The following PLAGL2 variants were observed in gnomAD, a reference collection of about 807,000 sequenced individuals.
The protein encoded by PLAGL2 is zinc finger protein PLAGL2.
Under a neutral mutation model 29.0 loss-of-function variants are expected in PLAGL2, and 7 were observed. The ratio of observed to expected loss-of-function variants is 0.24; its 90% confidence interval spans 0.14 to 0.45. PLAGL2 has a LOEUF of 0.45. PLAGL2 is among the 20% of genes least tolerant of loss of function. The pLI is 0.99. For synonymous variants in PLAGL2, 234 were observed against 266.0 expected (o/e 0.88, Z 1.17); for missense variants, 454 against 648.2 (o/e 0.70, Z 3.25).
At chr20:32,205,607 T>C (rs977237898) in intron 1 of PLAGL2, among the ~76,000 whole-genome samples, 1 of 152,232 alleles carries the variant, frequency 6.6e-6, no homozygotes, top group Non-Finnish European at 1.5e-5. Context: ...ATAGTTTTTA[T>C]GGTGTTACAT....
intron 1 of PLAGL2, among the ~76,000 whole-genome samples, chr20:32,204,503 C>A (rs6058547): frequency 0.052 from 7,858 of 152,184 alleles, 753 homozygotes; most frequent in African/African-American, 0.18. Flanking sequence ...CATGTGCTCA[C>A]CTTGATCTGC....
chr20:32,205,655 C>G (rs575806287), intron 1 of PLAGL2, among the ~76,000 whole-genome samples: 1 of 152,252 alleles, frequency 6.6e-6, no homozygotes, highest in East Asian at 1.9e-4. Context: ...CCATTATTAG[C>G]CTGTTTCCTC....
chr20:32,202,319 G>A, intron 1 of PLAGL2, 27 bp from the exon 2 acceptor site: 1 of 779,808 alleles, frequency 1.3e-6, no homozygotes, highest in Non-Finnish European at 2.1e-6. Context: ...CCTGGTGTTA[G>A]GGAGCCCAAT....
chr20:32,206,666 G>A (rs1178614698), intron 1 of PLAGL2, among the ~76,000 whole-genome samples: 2 of 152,206 alleles, frequency 1.3e-5, no homozygotes, highest in African/African-American at 4.8e-5. Context: ...AAGCTTGCAG[G>A]TGAAAGCACC....
Position 32,196,553 on chromosome 20 carries a change from C to A in PLAGL2, c.1390G>T (p.Gly464Trp). Residue 464 changes from glycine to tryptophan, a missense_variant, in exon 3 of 3, where the codon GGG becomes TGG. Physicochemically the swap from Gly to Trp is radical, Grantham distance 184. Transcript: ENST00000246229. ...AGAGGCCCAAAGTTCAGTGGTCCCCCAGCTCCTGGGGAATCTTGAGGCTGA... is the reference window on the plus strand; with the variant it reads ...AGAGGCCCAAAGTTCAGTGGTCCCCAAGCTCCTGGGGAATCTTGAGGCTGA... ...QAQPQDSPGAGGPLNFGPLHS... is the reference protein window; with the variant it reads ...QAQPQDSPGAWGPLNFGPLHS... The A allele has an allele frequency of 6.5e-7, 1 of 1,543,090 alleles. No homozygotes were observed. Among genetic ancestry groups the A allele is most frequent in the South Asian group, 1.3e-5 (1 of 77,520 alleles).
Position 32,196,753 on chromosome 20 carries a change from G to C in PLAGL2, c.1190C>G (p.Ala397Gly), listed in dbSNP as rs1163370635. Reference sequence around the variant, plus strand: ...CTCAGAGAGGTTGGCGGGGCTCTTGGCAAGCAGTGCTTCATCTAGGAGGGC... The same window carrying C: ...CTCAGAGAGGTTGGCGGGGCTCTTGCCAAGCAGTGCTTCATCTAGGAGGGC... ...AAALLDEALL[A>G]KSPANLSEAL... The change falls in exon 3 of 3, where the codon GCC becomes GGC. Residue 397 changes from alanine (A) to glycine (G), a missense_variant. Physicochemically the swap from Ala to Gly is moderately conservative, Grantham distance 60. Transcript: ENST00000246229. 1.3e-6 allele frequency: 2 copies of C among 1,597,184 alleles called. No individual in the cohort carries two copies. Among genetic ancestry groups the C allele is most frequent in the East Asian group, 4.5e-5 (2 of 44,786 alleles).
chr20:32,203,537 T>C (rs2047270293), intron 1 of PLAGL2, among the ~76,000 whole-genome samples: 1 of 152,202 alleles, frequency 6.6e-6, no homozygotes, highest in South Asian at 2.1e-4. Context: ...TTTGAAGAGA[T>C]GGTGCCAAAA....
In PLAGL2 at chr20:32,194,881, C is replaced by G. The variant is rs959772928; in HGVS notation, c.*1571G>C. ...TCTCAAGGGTCCCACAGTGGAGGTC[C>G]CTGAGCTACCTCCCTTCCGTGAGTG... On this transcript the variant is annotated 3_prime_UTR_variant, in exon 3 of 3. Transcript: ENST00000246229. 2.0e-5 allele frequency: 3 copies of G among 152,596 alleles called. No individual in the cohort carries two copies. The highest frequency in any genetic ancestry group is 2.9e-5 in the Non-Finnish European group (2 of 68,048). 9.5% of individuals were successfully genotyped at this position (152,596 alleles called of 1,614,324 possible).
At position 32,199,701 on chromosome 20, in the gene PLAGL2, G is replaced by T. The variant is rs142070905; in HGVS notation, c.261-2019C>A. Among the ~76,000 whole-genome samples the T allele has an allele frequency of 1.5e-3, 232 of 152,268 alleles. 2 individuals are homozygous for T. The highest frequency in any genetic ancestry group is 5.2e-3 in the African/African-American group (215 of 41,544). ...AAACATGCAAAAATTAGCGGGTGTGGTGGTGGTACATGCCTGTGATCCTAG... is the reference window on the plus strand; with the variant it reads ...AAACATGCAAAAATTAGCGGGTGTGTTGGTGGTACATGCCTGTGATCCTAG... On this transcript the variant is annotated intron_variant, in intron 2 of 2. Transcript: ENST00000246229.
chr20:32,200,391 C>G (rs567693593), intron 2 of PLAGL2, among the ~76,000 whole-genome samples: 1 of 152,130 alleles, frequency 6.6e-6, no homozygotes, highest in Non-Finnish European at 1.5e-5. Context: ...CGCCTGCCAC[C>G]GCGCCCAGCT....
chr20:32,203,218 G>C (rs143530485), intron 1 of PLAGL2, among the ~76,000 whole-genome samples: 1 of 152,168 alleles, frequency 6.6e-6, no homozygotes, highest in Non-Finnish European at 1.5e-5. Flanking sequence ...ATTTCAGATA[G>C]GTAAACTAGT....
intron 2 of PLAGL2, among the ~76,000 whole-genome samples, chr20:32,200,729 T>G (rs1282955917): frequency 6.6e-6 from 1 of 152,216 alleles, no homozygotes; most frequent in East Asian, 1.9e-4. Context: ...TAGCTGGGAC[T>G]ACAGGCATGT....
intron 2 of PLAGL2, among the ~76,000 whole-genome samples, chr20:32,200,696 T>C (rs2047254978): frequency 6.6e-6 from 1 of 151,944 alleles, no homozygotes; most frequent in Admixed American, 6.5e-5. Flanking sequence ...GTTCAAGTGA[T>C]TCTCCTGCCA....
rs1475893545 is a variant in PLAGL2, at chr20:32,201,858, T to C, written c.260+61A>G. On this transcript the variant is annotated intron_variant, in intron 2 of 2. Coordinates refer to ENST00000246229, the MANE Select transcript of PLAGL2 (RefSeq NM_002657.3). ...GATTAAAAACCCACACTAGGCAGAGTCTCTCTGCTTTTTCCCTCTGGGAAC... is the reference window on the plus strand; with the variant it reads ...GATTAAAAACCCACACTAGGCAGAGCCTCTCTGCTTTTTCCCTCTGGGAAC... 4.9e-6 allele frequency: 7 copies of C among 1,434,086 alleles called. No individual in the cohort carries two copies. In the Admixed American group the frequency reaches 9.5e-5, roughly 19 times the overall value. The allele number at this position is 1,434,086 out of a possible 1,614,324, so 88.8% of individuals were successfully genotyped here. A position where few individuals can be genotyped will look rare whatever the true frequency, so the allele number is the denominator to read the frequency against.
intron 1 of PLAGL2, among the ~76,000 whole-genome samples, chr20:32,203,311 G>A (rs1394641860): frequency 2.0e-5 from 3 of 152,184 alleles, no homozygotes; most frequent in African/African-American, 4.8e-5. Context: ...ATTCCCAAGT[G>A]GGGAGCCGAA....
Position 32,194,616 on chromosome 20 carries a change from G to C in PLAGL2, c.*1836C>G, listed in dbSNP as rs142002524. On this transcript the variant is annotated 3_prime_UTR_variant, in exon 3 of 3. Coordinates refer to ENST00000246229, the MANE Select transcript of PLAGL2 (RefSeq NM_002657.3). ...AGGAGTACTGGCTTAGGCTGAAGCAGAAAGCTGAGTCCTGGACCTGCTCAG... is the reference window on the plus strand; with the variant it reads ...AGGAGTACTGGCTTAGGCTGAAGCACAAAGCTGAGTCCTGGACCTGCTCAG... 1 of 152,800 alleles carries C rather than the reference G, an allele frequency of 6.5e-6. No homozygotes were observed. The highest frequency in any genetic ancestry group is 2.4e-5 in the African/African-American group (1 of 41,590). The allele number at this position is 152,800 out of a possible 1,614,324, so 9.5% of individuals were successfully genotyped here.
rs946613948 is a variant in PLAGL2, at chr20:32,193,347, G to C, written c.*3105C>G. 1 of 152,206 alleles carries C rather than the reference G, an allele frequency of 6.6e-6. No homozygotes were observed. The highest frequency in any genetic ancestry group is 1.5e-5 in the Non-Finnish European group (1 of 68,036). 9.4% of individuals were successfully genotyped at this position (152,206 alleles called of 1,614,324 possible). On this transcript the variant is annotated 3_prime_UTR_variant, in exon 3 of 3. Coordinates refer to ENST00000246229, the MANE Select transcript of PLAGL2 (RefSeq NM_002657.3). ...AAAAAGTAATCACACCTGCTTCCCG[G>C]ATTTTCAATTAAGAAAATGCCATTT...
At chr20:32,204,766 T>A (rs1028271203) in intron 1 of PLAGL2, among the ~76,000 whole-genome samples, 2 of 152,250 alleles carry the variant, frequency 1.3e-5, no homozygotes, top group African/African-American at 4.8e-5. Flanking sequence ...TTCAGACTTG[T>A]CCTTCCTCAG....
Position 32,196,423 on chromosome 20 carries a change from A to C in PLAGL2, c.*29T>G. On this transcript the variant is annotated 3_prime_UTR_variant, in exon 3 of 3. Transcript: ENST00000246229. ...GGTACTAAGGCTCCATAACAGAGCC[A>C]AAAACTGAGCTGAGGGCCTCTGTGG... is the stretch of plus-strand genomic sequence containing the variant. 6.9e-7 allele frequency: 1 copy of C among 1,443,152 alleles called. No individual in the cohort carries two copies. The highest frequency in any genetic ancestry group is 9.1e-7 in the Non-Finnish European group (1 of 1,094,872). The allele number at this position is 1,443,152 out of a possible 1,614,324, so 89.4% of individuals were successfully genotyped here.
Sources: allele counts gnomAD v4.1 joint callset (sites outside exome capture counted in the v4.1 genomes callset), GRCh38; gene constraint gnomAD v4.1.1; transcripts MANE v1.5; gene names NCBI Gene and HGNC (gene_info 2026-07-23, HGNC 2026-07-21).